The following CLSTN2 variants were observed in gnomAD, a reference collection of about 807,000 sequenced individuals.
The protein encoded by CLSTN2 is calsyntenin 2.
CLSTN2 carries 48 observed loss-of-function variants against 101.2 expected under a neutral mutation model. The observed-to-expected ratio is 0.47, with a 90% CI of 0.38 to 0.60. The LOEUF is 0.60. CLSTN2 is among the 20% of genes least tolerant of loss of function. The probability of loss-of-function intolerance (pLI) is 0.00; values close to 1 mark genes in which losing one functional copy is unlikely to be tolerated. For missense variants in CLSTN2, 1,160 were observed against 1,238.2 expected (o/e 0.94, Z 0.95); for synonymous variants, 481 against 463.6 (o/e 1.04, Z -0.48).
At chr3:140,548,064 A>G (rs1355132637) in intron 10 of CLSTN2, among the ~76,000 whole-genome samples, 1 of 152,230 alleles carries the variant, frequency 6.6e-6, no homozygotes, top group African/African-American at 2.4e-5. Context: ...CCACTCCAGT[A>G]GAAATTTCCA....
intron 1 of CLSTN2, among the ~76,000 whole-genome samples, chr3:140,076,653 T>TTTTTTTTTTTC (rs1491412394): frequency 1.9e-5 from 2 of 107,696 alleles, no homozygotes; most frequent in East Asian, 2.5e-4. Context: ...TTTTTTTTTT[T>TTTTTTTTTTTC]CCTAGCCTTC....
chr3:140,017,622 G>A (rs539742203), intron 1 of CLSTN2, among the ~76,000 whole-genome samples: 2 of 152,342 alleles, frequency 1.3e-5, no homozygotes, highest in African/African-American at 4.8e-5. Flanking sequence ...TCAAGGCACT[G>A]TGTGGGATTG....
intron 2 of CLSTN2, among the ~76,000 whole-genome samples, chr3:140,290,604 T>C (rs2086938118): frequency 6.6e-6 from 1 of 152,160 alleles, no homozygotes. Context: ...AATACACCAA[T>C]TACAATACAA....
chr3:140,557,639 C>T (rs1337558831), intron 11 of CLSTN2, among the ~76,000 whole-genome samples: 1 of 152,114 alleles, frequency 6.6e-6, no homozygotes, highest in Non-Finnish European at 1.5e-5. Context: ...ATTTCACCCA[C>T]CCATAGAAGA....
At chr3:140,091,995 C>T (rs897811026) in intron 1 of CLSTN2, among the ~76,000 whole-genome samples, 1 of 152,152 alleles carries the variant, frequency 6.6e-6, no homozygotes, top group Non-Finnish European at 1.5e-5. Context: ...TCTGGCTGTG[C>T]CTCAATCCAG....
At chr3:140,477,517 G>A (rs983690317) in intron 8 of CLSTN2, among the ~76,000 whole-genome samples, 4 of 152,150 alleles carry the variant, frequency 2.6e-5, no homozygotes, top group Admixed American at 2.0e-4. Flanking sequence ...ATTTTTGAGA[G>A]GCTATAGTGT....
intron 8 of CLSTN2, among the ~76,000 whole-genome samples, chr3:140,516,499 G>A (rs933867162): frequency 3.3e-5 from 5 of 150,458 alleles, no homozygotes; most frequent in African/African-American, 1.2e-4. Flanking sequence ...ATTTAGAGGT[G>A]CTTTTAGCAG....
chr3:140,146,646 C>T (rs1444880998), intron 1 of CLSTN2, among the ~76,000 whole-genome samples: 2 of 152,142 alleles, frequency 1.3e-5, no homozygotes, highest in Admixed American at 6.5e-5. Context: ...ACTAGCAACA[C>T]AAAGAAGAAA....
chr3:140,074,049 C>A (rs2008442428), intron 1 of CLSTN2, among the ~76,000 whole-genome samples: 1 of 152,074 alleles, frequency 6.6e-6, no homozygotes, highest in Non-Finnish European at 1.5e-5. Context: ...GCCTGGCTAC[C>A]CTCCTCCACT....
At position 140,250,355 on chromosome 3, in the gene CLSTN2, C is replaced by T. The variant is rs567911395; in HGVS notation, c.232+74282C>T. On this transcript the variant is annotated intron_variant, in intron 2 of 16. Transcript: ENST00000458420. Reference sequence around the variant, plus strand: ...CCTTCCAAAGAATGTGCTGTACCTTCATGGTGAAATGGGGGCAGATGGCTT... The same window carrying T: ...CCTTCCAAAGAATGTGCTGTACCTTTATGGTGAAATGGGGGCAGATGGCTT... 3.9e-5 allele frequency among the ~76,000 whole-genome samples: 6 copies of T among 152,258 alleles called. No individual in the cohort carries two copies. In the East Asian group the frequency reaches 1.2e-3, roughly 29 times the overall value.
intron 1 of CLSTN2, among the ~76,000 whole-genome samples, chr3:140,126,179 A>G (rs1199871471): frequency 2.0e-5 from 3 of 152,170 alleles, no homozygotes; most frequent in South Asian, 2.1e-4. Context: ...TGCTATGGGT[A>G]TGGAGAATCC....
chr3:140,154,597 C>T (rs1576447919), intron 1 of CLSTN2, among the ~76,000 whole-genome samples: 2 of 149,154 alleles, frequency 1.3e-5, no homozygotes, highest in Admixed American at 1.3e-4. Flanking sequence ...AAGCGAAACA[C>T]GTCTTAAATG....
At chr3:139,969,940 C>T (rs575016521) in intron 1 of CLSTN2, among the ~76,000 whole-genome samples, 1 of 152,226 alleles carries the variant, frequency 6.6e-6, no homozygotes, top group South Asian at 2.1e-4. Context: ...AAGTTAGGTA[C>T]CTACAGAGTG....
At chr3:140,341,584 G>T (rs77889529) in intron 2 of CLSTN2, among the ~76,000 whole-genome samples, 16 of 152,292 alleles carry the variant, frequency 1.1e-4, no homozygotes, top group African/African-American at 3.8e-4. Context: ...CCAGCCACCT[G>T]CAAACACCCC....
At chr3:140,006,587 A>G (rs1340621639) in intron 1 of CLSTN2, among the ~76,000 whole-genome samples, 2 of 152,166 alleles carry the variant, frequency 1.3e-5, no homozygotes, top group African/African-American at 4.8e-5. Context: ...AATAAGATCC[A>G]CAGCACGCTG....
At chr3:140,354,786 G>C (rs1250280958) in intron 2 of CLSTN2, among the ~76,000 whole-genome samples, 1 of 152,196 alleles carries the variant, frequency 6.6e-6, no homozygotes, top group Admixed American at 6.5e-5. Context: ...CTCCAAAACA[G>C]ACTTTGCTTT....
chr3:140,315,148 G>A (rs1054650255), intron 2 of CLSTN2, among the ~76,000 whole-genome samples: 1 of 152,204 alleles, frequency 6.6e-6, no homozygotes, highest in Non-Finnish European at 1.5e-5. Flanking sequence ...ACCCACATCC[G>A]TGGATCCTGC....
intron 1 of CLSTN2, among the ~76,000 whole-genome samples, chr3:140,063,463 G>A (rs932153360): frequency 1.3e-5 from 2 of 152,166 alleles, no homozygotes; most frequent in African/African-American, 2.4e-5. Flanking sequence ...CATGCTAACT[G>A]AGCACCTGCC....
intron 1 of CLSTN2, among the ~76,000 whole-genome samples, chr3:139,971,920 C>A (rs1935711684): frequency 6.6e-6 from 1 of 152,128 alleles, no homozygotes; most frequent in Non-Finnish European, 1.5e-5. Context: ...GAATCCCTGA[C>A]CATAGGTGTT....
Sources: gnomAD v4.1 joint callset for allele counts (sites outside exome capture counted in the v4.1 genomes callset) on GRCh38, gnomAD v4.1.1 for gene constraint, MANE v1.5 for transcripts, NCBI Gene and HGNC (gene_info 2026-07-23, HGNC 2026-07-21) for gene names.